The following TASP1 variants were observed in gnomAD, a reference collection of about 807,000 sequenced individuals.
The protein encoded by TASP1 is threonine aspartase 1.
In TASP1, 16 loss-of-function variants were observed where a neutral mutation model predicts 56.6. The ratio of observed to expected loss-of-function variants is 0.28; its 90% CI spans 0.19 to 0.43. The LOEUF (loss-of-function observed/expected upper bound fraction) is 0.43, where lower values mean the gene tolerates loss of function less well. Ranked by LOEUF, TASP1 falls within the 20% of genes least tolerant of loss-of-function variation. The pLI is 1.00. For missense variants in TASP1, 393 were observed against 511.6 expected (o/e 0.77, Z 2.24); for synonymous variants, 179 against 184.2 (o/e 0.97, Z 0.23).
chr20:13,500,263 GTA>G (rs113343133), intron 10 of TASP1, among the ~76,000 whole-genome samples: 16 of 140,494 alleles, frequency 1.1e-4, no homozygotes, highest in Admixed American at 4.4e-4. Flanking sequence ...GTGTATGTGT[GTA>G]TATATATATA....
intron 11 of TASP1, among the ~76,000 whole-genome samples, chr20:13,449,303 G>A (rs1021103944): frequency 2.0e-5 from 3 of 152,104 alleles, no homozygotes; most frequent in Non-Finnish European, 2.9e-5. Context: ...AAAGGACATC[G>A]GACCTTAAAG....
chr20:13,340,072 C>T, the TASP1 span, among the ~76,000 whole-genome samples: 1 of 152,052 alleles, frequency 6.6e-6, no homozygotes, highest in African/African-American at 2.4e-5. Context: ...CAATACTATC[C>T]AGCCTCCTTG....
chr20:13,311,119 G>A, the TASP1 span, among the ~76,000 whole-genome samples: 16,934 of 152,064 alleles, frequency 0.11, 1,357 homozygotes, highest in Non-Finnish European at 0.17. Flanking sequence ...ACTTGAACCC[G>A]GGAAGCGGAG....
At chr20:13,382,761 C>T in the TASP1 span, among the ~76,000 whole-genome samples, 1 of 152,080 alleles carries the variant, frequency 6.6e-6, no homozygotes, top group African/African-American at 2.4e-5. Flanking sequence ...TGTGTATCTA[C>T]TTGCTCCAGG....
At chr20:13,591,723 G>C (rs776379470) in intron 4 of TASP1, among the ~76,000 whole-genome samples, 14 of 152,136 alleles carry the variant, frequency 9.2e-5, no homozygotes, top group African/African-American at 1.2e-4. Flanking sequence ...AATGATAATT[G>C]TTTAAAGCAA....
chr20:13,514,816 T>A (rs2044463155), intron 10 of TASP1, among the ~76,000 whole-genome samples: 1 of 152,148 alleles, frequency 6.6e-6, no homozygotes, highest in African/African-American at 2.4e-5. Context: ...AAAATAAAAA[T>A]GTAAGGTATC....
the TASP1 span, among the ~76,000 whole-genome samples, chr20:13,157,166 G>A: frequency 3.3e-5 from 5 of 152,100 alleles, no homozygotes; most frequent in East Asian, 1.9e-4. Context: ...AGCCGGGTAC[G>A]GTAGCTCATG....
chr20:13,147,079 C>A, the TASP1 span, among the ~76,000 whole-genome samples: 11 of 152,114 alleles, frequency 7.2e-5, no homozygotes, highest in African/African-American at 2.7e-4. Flanking sequence ...GGGTGTTTTC[C>A]CAGAGCCCTC....
chr20:13,229,073 C>T, the TASP1 span, among the ~76,000 whole-genome samples: 2 of 151,958 alleles, frequency 1.3e-5, no homozygotes, highest in African/African-American at 2.4e-5. Flanking sequence ...TTTTCTTTCC[C>T]TTTCTTTCCT....
chr20:13,470,358 C>T (rs1171289108), intron 11 of TASP1, among the ~76,000 whole-genome samples: 3 of 152,158 alleles, frequency 2.0e-5, no homozygotes, highest in Admixed American at 2.0e-4. Context: ...CATGAGCTTC[C>T]TAATGAATAT....
At chr20:13,170,263 A>G in the TASP1 span, among the ~76,000 whole-genome samples, 2 of 152,182 alleles carry the variant, frequency 1.3e-5, no homozygotes, top group Non-Finnish European at 2.9e-5. Flanking sequence ...TTGATGGTAG[A>G]TTGTTTTTTC....
chr20:13,169,085 A>G, the TASP1 span: 4 of 152,306 alleles, frequency 2.6e-5, no homozygotes, highest in East Asian at 7.7e-4. Flanking sequence ...TAAAATAAAT[A>G]AAAATAATAT....
At chr20:13,463,391 A>G (rs1001581131) in intron 11 of TASP1, among the ~76,000 whole-genome samples, 29 of 152,184 alleles carry the variant, frequency 1.9e-4, no homozygotes, top group Admixed American at 1.3e-4. Flanking sequence ...ATCTAAATGT[A>G]AGAGTAAAAA....
chr20:13,270,027 AATGT>A, the TASP1 span, among the ~76,000 whole-genome samples: 1 of 152,088 alleles, frequency 6.6e-6, no homozygotes, highest in African/African-American at 2.4e-5. Flanking sequence ...CAAATGGATG[AATGT>A]ATGTAATGAA....
the TASP1 span, chr20:13,298,926 C>T: frequency 1.9e-6 from 3 of 1,611,410 alleles, no homozygotes; most frequent in Non-Finnish European, 2.5e-6. Context: ...GAGGGTTTCT[C>T]TTTGGCCTTT....
the TASP1 span, among the ~76,000 whole-genome samples, chr20:13,307,621 A>G: frequency 6.6e-6 from 1 of 152,192 alleles, no homozygotes; most frequent in Admixed American, 6.5e-5. Context: ...AAGAATAATC[A>G]GTATCATGAA....
chr20:13,611,708 AT>A (rs1365165588), intron 4 of TASP1, among the ~76,000 whole-genome samples: 2 of 152,194 alleles, frequency 1.3e-5, no homozygotes, highest in African/African-American at 2.4e-5. Flanking sequence ...CCTTAAAATG[AT>A]ATACAGTGCT....
intron 3 of TASP1, 70 bp downstream of exon 3, chr20:13,625,115 T>C (rs1452975778): frequency 3.5e-6 from 4 of 1,155,532 alleles, no homozygotes; most frequent in Non-Finnish European, 4.8e-6. Flanking sequence ...CTTTTAAATG[T>C]TGAATTTCAA....
intron 11 of TASP1, among the ~76,000 whole-genome samples, chr20:13,476,373 A>G (rs1490014175): frequency 6.6e-6 from 1 of 152,078 alleles, no homozygotes; most frequent in Non-Finnish European, 1.5e-5. Flanking sequence ...TTACACAAAA[A>G]TTTTCATCCA....
Sources: gnomAD v4.1 joint callset for allele counts (sites outside exome capture counted in the v4.1 genomes callset) on GRCh38, gnomAD v4.1.1 for gene constraint, MANE v1.5 for transcripts, NCBI Gene and HGNC (gene_info 2026-07-23, HGNC 2026-07-21) for gene names.